Variants in ADCY7 observed in about 807,000 individuals in gnomAD.
ADCY7 encodes adenylate cyclase type 7.
ADCY7 carries 72 observed loss-of-function variants against 120.6 expected under a neutral mutation model. The observed-to-expected ratio is 0.60, with a 90% CI of 0.49 to 0.73. ADCY7 has a LOEUF of 0.73. Ranked by LOEUF, ADCY7 falls within the 30% of genes least tolerant of loss-of-function variation. The pLI, the probability that ADCY7 is intolerant of heterozygous loss-of-function variation, is 0.00. For synonymous variants in ADCY7, 661 were observed against 628.0 expected, an observed-to-expected ratio of 1.05 and a Z score of -0.78; for missense variants, 1,227 against 1,486.0, an observed-to-expected ratio of 0.83 and a Z score of 2.87.
upstream of ADCY7, among the ~76,000 whole-genome samples, chr16:50,245,959 TGGGGTG>T (rs1270022018): frequency 5.1e-4 from 3 of 5,880 alleles, no homozygotes; most frequent in African/African-American, 6.8e-4. Flanking sequence ...GGAGCTGGGG[TGGGGTG>T]GGGTGGGGTG....
Position 50,282,208 on chromosome 16 carries a change from C to G in ADCY7, c.-268-5704C>G, listed in dbSNP as rs189985873. On this transcript the variant is annotated intron_variant, in intron 1 of 25. Coordinates refer to ENST00000673801, the MANE Select transcript of ADCY7 (RefSeq NM_001114.5). The stretch of plus-strand genomic sequence containing the variant: ...CCGGGTGAGGAAGTGGGTGTCCTGT[C>G]TGCATCTGTGAAAGCTGGGGGTTTC... Among the ~76,000 whole-genome samples, 71 of 152,346 alleles carry G rather than the reference C, an allele frequency of 4.7e-4. No individual in the cohort carries two copies. In the East Asian group the frequency reaches 0.013, roughly 28 times the overall value.
intron 9 of ADCY7, 26 bp from the exon 10 acceptor site, chr16:50,301,056 C>A (rs766574197): frequency 1.2e-6 from 2 of 1,609,922 alleles, no homozygotes; most frequent in South Asian, 1.1e-5. Context: ...GGCCCCAAGG[C>A]TCTGCCTGAC....
At chr16:50,246,027 C>A (rs2032571433), upstream of ADCY7, 1 of 150,730 alleles carries the variant, frequency 6.6e-6, no homozygotes, top group Admixed American at 6.6e-5. Flanking sequence ...CTCCTGGGCG[C>A]CCCCCAGCCC....
chr16:50,300,907 G>A, intron 9 of ADCY7, 34 bp downstream of exon 9: 1 of 1,548,640 alleles, frequency 6.5e-7, no homozygotes, highest in Non-Finnish European at 8.7e-7. Context: ...AGGGACAGAG[G>A]CCTGGGGCTG....
Position 50,317,225 on chromosome 16 carries a change from T to C in ADCY7, c.*1720T>C, listed in dbSNP as rs1041920978. 1 of 152,794 alleles carries C rather than the reference T, an allele frequency of 6.5e-6. No individual in the cohort carries two copies. The highest frequency in any genetic ancestry group is 2.4e-5 in the African/African-American group (1 of 41,454). 9.5% of individuals were successfully genotyped at this position (152,794 alleles called of 1,614,324 possible). ...GTGGAATCAGTATGAATAGAAGAAC[T>C]TGCTGTATAAAGGAATTTCATGGCA... On this transcript the variant is annotated 3_prime_UTR_variant, in exon 26 of 26. Coordinates refer to ENST00000673801, the MANE Select transcript of ADCY7 (RefSeq NM_001114.5).
chr16:50,263,612 C>A (rs1302527494), upstream of ADCY7, among the ~76,000 whole-genome samples: 1 of 152,108 alleles, frequency 6.6e-6, no homozygotes, highest in African/African-American at 2.4e-5. Context: ...AAGCCCAGGG[C>A]CCCATAAGCT....
Position 50,288,106 on chromosome 16 carries a change from T to C in ADCY7, c.-74T>C. On this transcript the variant is annotated 5_prime_UTR_variant, in exon 2 of 26. Transcript: ENST00000673801. ...GGCCTAGGCCCACGGGGGAGGGTGT[T>C]GGCAGACAGATGCCCTCCAGGCCCT... 2 of 1,466,852 alleles carry C rather than the reference T, an allele frequency of 1.4e-6. No homozygotes were observed. Among genetic ancestry groups the C allele is most frequent in the East Asian group, 2.5e-5 (1 of 39,786 alleles). The allele number at this position is 1,466,852 out of a possible 1,614,324, so 90.9% of individuals were successfully genotyped here.
At chr16:50,294,615 C>A in intron 6 of ADCY7, 25 bp from the exon 7 acceptor site, 9 of 1,083,626 alleles carry the variant, frequency 8.3e-6, no homozygotes, top group African/African-American at 1.5e-5. Context: ...CTCTGACACT[C>A]CCTCCCACCC....
chr16:50,249,062 C>A (rs1229790594), intron 1 of ADCY7, among the ~76,000 whole-genome samples: 2 of 152,162 alleles, frequency 1.3e-5, no homozygotes, highest in Non-Finnish European at 2.9e-5. Flanking sequence ...GAGCCTGCAC[C>A]ACTCCCACCT....
At chr16:50,267,754 A>G (rs193235666) in intron 1 of ADCY7, among the ~76,000 whole-genome samples, 55 of 152,362 alleles carry the variant, frequency 3.6e-4, no homozygotes, top group African/African-American at 8.9e-4. Context: ...CCATTGTGAC[A>G]TCATGACTGT....
At chr16:50,313,354 T>C (rs920159739) in intron 22 of ADCY7, 3 of 295,682 alleles carry the variant, frequency 1.0e-5, no homozygotes, top group South Asian at 3.3e-5. Context: ...TGGGAGGCGG[T>C]TGCAGTGAGC....
At position 50,305,446 on chromosome 16, in the gene ADCY7, T is replaced by C. The variant is rs2035994808; in HGVS notation, c.1596-57T>C. 9 of 1,504,938 alleles carry C rather than the reference T, an allele frequency of 6.0e-6. No individual in the cohort carries two copies. In the East Asian group the frequency reaches 2.0e-4, roughly 34 times the overall value. 93.2% of individuals were successfully genotyped at this position (1,504,938 alleles called of 1,614,324 possible). A position where few individuals can be genotyped will look rare whatever the true frequency, so the allele number is the denominator to read the frequency against. On this transcript the variant is annotated intron_variant, in intron 12 of 25. Transcript: ENST00000673801. The stretch of plus-strand genomic sequence containing the variant: ...ACTGGTGTCTACGTCCACACCCTCC[T>C]CTGGGAGAGTTGGAGGTGGTCGCTG...
At chr16:50,310,907 A>G (rs746713455) in intron 19 of ADCY7, 27 bp downstream of exon 19, 4 of 1,550,384 alleles carry the variant, frequency 2.6e-6, no homozygotes, top group African/African-American at 1.4e-5. Flanking sequence ...CCCCGTCCCC[A>G]TCCCCATGGT....
chr16:50,253,582 G>A (rs544247466), intron 1 of ADCY7, among the ~76,000 whole-genome samples: 5 of 152,300 alleles, frequency 3.3e-5, no homozygotes, highest in South Asian at 4.1e-4. Context: ...TACCTTTGTG[G>A]TGCCCTCAGG....
intron 9 of ADCY7, 27 bp from the exon 10 acceptor site, chr16:50,301,055 G>A: frequency 6.2e-7 from 1 of 1,610,134 alleles, no homozygotes; most frequent in Middle Eastern, 1.7e-4. Context: ...GGGCCCCAAG[G>A]CTCTGCCTGA....
rs754031054 is a variant in ADCY7, at chr16:50,301,067, T to A, written c.1236-15T>A. 4 of 1,612,100 alleles carry A rather than the reference T, an allele frequency of 2.5e-6. No individual in the cohort carries two copies. The Admixed American group carries it at 6.7e-5, about 27-fold the overall frequency. ...TCTGGGCCCCAAGGCTCTGCCTGAC[T>A]TGGGTCTCCCGTAGCCGGGTGCACA... On this transcript the variant is annotated splice_polypyrimidine_tract_variant and intron_variant, in intron 9 of 25. Transcript: ENST00000673801.
intron 8 of ADCY7, among the ~76,000 whole-genome samples, chr16:50,299,609 T>C (rs2035585091): frequency 6.6e-6 from 1 of 152,304 alleles, no homozygotes; most frequent in African/African-American, 2.4e-5. Context: ...GGGCTGCCCG[T>C]CCTGGATATC....
chr16:50,312,258 A>G, intron 21 of ADCY7, 67 bp downstream of exon 21: 2 of 1,574,140 alleles, frequency 1.3e-6, no homozygotes, highest in South Asian at 1.1e-5. Flanking sequence ...CGTAGGGTGA[A>G]GGTGTGGAGC....
chr16:50,304,897 CTG>C (rs755907016), intron 11 of ADCY7, 26 bp from the exon 12 acceptor site: 4 of 1,613,774 alleles, frequency 2.5e-6, no homozygotes, highest in Non-Finnish European at 3.4e-6. Flanking sequence ...TGGGGAATGA[CTG>C]TATCCTTTCC....
Sources: gnomAD v4.1 joint callset for allele counts (sites outside exome capture counted in the v4.1 genomes callset) on GRCh38, gnomAD v4.1.1 for gene constraint, MANE v1.5 for transcripts, NCBI Gene and HGNC (gene_info 2026-07-23, HGNC 2026-07-21) for gene names.